Variants in GPX6 observed in about 807,000 individuals in gnomAD.
The protein encoded by GPX6 is glutathione peroxidase 6, also known as glutathione peroxidase 6 (olfactory).
GPX6 carries 21 observed loss-of-function variants against 20.0 expected under a neutral mutation model. The observed-to-expected ratio is 1.05, with a 90% CI of 0.74 to 1.51. The LOEUF (loss-of-function observed/expected upper bound fraction) is 1.51. Among genes scored for constraint, GPX6 ranks in the 40% most tolerant of loss-of-function variants. The pLI is 0.00. For missense variants in GPX6, 233 were observed against 254.7 expected (o/e 0.91, Z 0.58); for synonymous variants, 75 against 98.0 (o/e 0.77, Z 1.38).
rs541614974 is a variant in GPX6, at chr6:28,509,677, G to A, written c.241+1074C>T. ...CCGTCCAAAGCTGTATCTATCTCTA[G>A]TATAATTGATCTAAAATTTTAAATA... On this transcript the variant is annotated intron_variant, in intron 2 of 4. Coordinates refer to ENST00000361902, the MANE Select transcript of GPX6 (RefSeq NM_182701.1). Among the ~76,000 whole-genome samples, 11 of 152,292 alleles carry A rather than the reference G, an allele frequency of 7.2e-5. No homozygotes were observed. The East Asian group carries it at 1.4e-3, about 19-fold the overall frequency.
chr6:28,504,558 G>T, intron 4 of GPX6, 60 bp from the exon 5 acceptor site: 1 of 1,448,992 alleles, frequency 6.9e-7, no homozygotes, highest in Non-Finnish European at 9.5e-7. Flanking sequence ...TTCTACTTCT[G>T]TGTGGTACAG....
chr6:28,510,926 C>T, intron 1 of GPX6, 22 bp from the exon 2 acceptor site: 4 of 1,579,158 alleles, frequency 2.5e-6, no homozygotes, highest in Non-Finnish European at 3.4e-6. Flanking sequence ...CAAAAATAAC[C>T]ATAACGATAT....
chr6:28,512,594 A>G (rs923712879), intron 1 of GPX6, among the ~76,000 whole-genome samples: 1 of 152,166 alleles, frequency 6.6e-6, no homozygotes, highest in African/African-American at 2.4e-5. Flanking sequence ...GTGTGGCCAG[A>G]TAAGAATAAA....
At chr6:28,515,625 G>A (rs1763012608) in intron 1 of GPX6, 32 bp downstream of exon 1, 1 of 1,569,498 alleles carries the variant, frequency 6.4e-7, no homozygotes, top group South Asian at 1.1e-5. Context: ...TCACGTGCTG[G>A]AATCAGCTCG....
chr6:28,505,890 A>C (rs1401852660), intron 3 of GPX6, 88 bp from the exon 4 acceptor site: 2 of 945,308 alleles, frequency 2.1e-6, no homozygotes, highest in Non-Finnish European at 3.5e-6. Flanking sequence ...TACCACAGGA[A>C]ATTCAAGATA....
intron 1 of GPX6, 46 bp downstream of exon 1, chr6:28,515,611 G>T: frequency 6.8e-7 from 1 of 1,481,468 alleles, no homozygotes. Context: ...AGCCAGGTTG[G>T]TCATCACGTG....
chr6:28,504,542 C>T, intron 4 of GPX6, 44 bp from the exon 5 acceptor site: 2 of 1,538,524 alleles, frequency 1.3e-6, no homozygotes, highest in Non-Finnish European at 1.8e-6. Context: ...TTTATTTCTA[C>T]TTTATTTCTA....
rs1389103310 is a variant in GPX6 at position 28,503,432 on chromosome 6, T to C, written c.*860A>G. On this transcript the variant is annotated 3_prime_UTR_variant, in exon 5 of 5. Coordinates refer to ENST00000361902, the MANE Select transcript of GPX6 (RefSeq NM_182701.1). ...AGAAGAAGTATGACTGGACATAATA[T>C]GGGACTGGGAAAACACCACACAGAG... 2 of 152,284 alleles carry C rather than the reference T, an allele frequency of 1.3e-5. No individual in the cohort carries two copies. The highest frequency in any genetic ancestry group is 1.9e-4 in the East Asian group (1 of 5,204). 9.4% of individuals were successfully genotyped at this position (152,284 alleles called of 1,614,324 possible).
Position 28,504,463 on chromosome 6 carries a change from T to A in GPX6, c.495A>T (p.Ser165=). ...SCPPTSDLLG[S]SSQLFWEPMK... ...TGGGCTCCCAGAAGAGTTGGCTTGA[T>A]GAGCCCAAAAGATCAGAGGTCGGAG... The change falls in exon 5 of 5, where the codon TCA becomes TCT. Residue 165 remains serine (S), a synonymous_variant. Transcript: ENST00000361902. 2 of 1,614,154 alleles carry A rather than the reference T, an allele frequency of 1.2e-6. No individual in the cohort carries two copies. The highest frequency in any genetic ancestry group is 1.7e-6 in the Non-Finnish European group (2 of 1,180,048).
Position 28,506,323 on chromosome 6 carries a change from A to C in GPX6, c.348T>G (p.Leu116=). 6.2e-7 allele frequency: 1 copy of C among 1,606,054 alleles called. No homozygotes were observed. The highest frequency in any genetic ancestry group is 8.5e-7 in the Non-Finnish European group (1 of 1,172,716). The change falls in exon 3 of 5, where the codon CTT becomes CTG. Residue 116 remains leucine, a synonymous_variant. Coordinates refer to ENST00000361902, the MANE Select transcript of GPX6 (RefSeq NM_182701.1). ...ATGCAAGCACTCACTTGAGACCAAG[A>C]AGTATTTCTGAGTTTGTTCCTGGTT... ...KQEPGTNSEI[L]LGLKYVCPGS... is the part of the protein sequence containing the mutation.
chr6:28,514,333 G>C (rs1762985921), intron 1 of GPX6, among the ~76,000 whole-genome samples: 1 of 152,158 alleles, frequency 6.6e-6, no homozygotes, highest in South Asian at 2.1e-4. Context: ...TTTCAGTTCT[G>C]CTCTAGTTTG....
At position 28,504,285 on chromosome 6, in the gene GPX6, G is replaced by C; in HGVS notation, c.*7C>G. ...GGGTAGTTATTTCTGTCAGTCGCTA[G>C]CCCTTCCTAGTGGGTATTGAACTGC... On this transcript the variant is annotated 3_prime_UTR_variant, in exon 5 of 5. Coordinates refer to ENST00000361902, the MANE Select transcript of GPX6 (RefSeq NM_182701.1). 6.2e-7 allele frequency: 1 copy of C among 1,612,350 alleles called. No individual in the cohort carries two copies. The highest frequency in any genetic ancestry group is 1.1e-5 in the South Asian group (1 of 91,022).
chr6:28,510,635 C>A lies in GPX6; in HGVS notation c.241+116G>T, dbSNP rs1020293829. ...GGAGCAGCATTTAGGGAGGTAGAGT[C>A]ACCTGATCAGTTCTCCCATCGCATC... On this transcript the variant is annotated intron_variant, in intron 2 of 4. Coordinates refer to ENST00000361902, the MANE Select transcript of GPX6 (RefSeq NM_182701.1). 6.3e-6 allele frequency: 6 copies of A among 950,052 alleles called. No individual in the cohort carries two copies. In the Admixed American group the frequency reaches 1.3e-4, roughly 21 times the overall value. 58.9% of individuals were successfully genotyped at this position (950,052 alleles called of 1,614,324 possible). A position where few individuals can be genotyped will look rare whatever the true frequency, so the allele number is the denominator to read the frequency against.
At chr6:28,507,118 C>A (rs1762813328) in intron 2 of GPX6, among the ~76,000 whole-genome samples, 1 of 152,214 alleles carries the variant, frequency 6.6e-6, no homozygotes. Context: ...CCAAATTGCT[C>A]TTTACTACTG....
At chr6:28,505,472 G>C (rs991842735) in intron 4 of GPX6, among the ~76,000 whole-genome samples, 9 of 152,178 alleles carry the variant, frequency 5.9e-5, no homozygotes, top group Non-Finnish European at 1.2e-4. Flanking sequence ...AATGATTGCT[G>C]AATGAATGAA....
At chr6:28,509,498 C>T (rs1167508566) in intron 2 of GPX6, among the ~76,000 whole-genome samples, 1 of 152,164 alleles carries the variant, frequency 6.6e-6, no homozygotes, top group African/African-American at 2.4e-5. Flanking sequence ...CACACCACTG[C>T]ACTCCAGCCT....
intron 1 of GPX6, among the ~76,000 whole-genome samples, chr6:28,512,686 A>T (rs897172172): frequency 2.6e-5 from 4 of 152,150 alleles, no homozygotes; most frequent in Non-Finnish European, 5.9e-5. Flanking sequence ...GCTCTTTGCA[A>T]TAAGTCTTGC....
At chr6:28,512,457 C>T (rs1339494972) in intron 1 of GPX6, among the ~76,000 whole-genome samples, 1 of 152,190 alleles carries the variant, frequency 6.6e-6, no homozygotes, top group Non-Finnish European at 1.5e-5. Flanking sequence ...CACTCTGTAT[C>T]TAGCTAATCT....
intron 1 of GPX6, among the ~76,000 whole-genome samples, chr6:28,512,853 A>G (rs1247267198): frequency 6.6e-6 from 1 of 152,086 alleles, no homozygotes; most frequent in East Asian, 1.9e-4. Context: ...ACTGACCGCG[A>G]GGCTTTGCAG....
Sources: allele counts gnomAD v4.1 joint callset (sites outside exome capture counted in the v4.1 genomes callset), GRCh38; gene constraint gnomAD v4.1.1; transcripts MANE v1.5; gene names NCBI Gene and HGNC (gene_info 2026-07-23, HGNC 2026-07-21).